The following RYR3 variants were observed in gnomAD, a reference collection of about 807,000 sequenced individuals.
The protein encoded by RYR3 is brain ryanodine receptor-calcium release channel.
A neutral mutation model predicts 584.3 loss-of-function variants in RYR3; 207 were observed. The ratio of observed to expected loss-of-function variants is 0.35; its 90% CI spans 0.32 to 0.40. The LOEUF is 0.40. Among genes scored for constraint, RYR3 ranks in the 10% least tolerant of loss-of-function variants. The pLI is 1.00. For synonymous variants in RYR3, 2,416 were observed against 2,248.5 expected (o/e 1.07, Z -2.11); for missense variants, 5,616 against 6,089.2 (o/e 0.92, Z 2.59).
At chr15:33,852,658 T>A (rs1047023654) in intron 94 of RYR3, 1 of 179,002 alleles carries the variant, frequency 5.6e-6, no homozygotes, top group African/African-American at 2.4e-5. Context: ...GTAGGTGACA[T>A]AAAGTAGTGA....
chr15:33,434,498 A>G (rs995894697), intron 1 of RYR3, among the ~76,000 whole-genome samples: 1 of 152,240 alleles, frequency 6.6e-6, no homozygotes, highest in Non-Finnish European at 1.5e-5. Context: ...GTAATATAGA[A>G]CAATATTAAC....
intron 6 of RYR3, among the ~76,000 whole-genome samples, chr15:33,540,026 G>A (rs1312026631): frequency 6.6e-6 from 1 of 152,068 alleles, no homozygotes; most frequent in African/African-American, 2.4e-5. Flanking sequence ...AACTGCACTC[G>A]AGGGATGATT....
intron 3 of RYR3, among the ~76,000 whole-genome samples, chr15:33,508,130 C>T (rs561111897): frequency 1.4e-4 from 22 of 152,112 alleles, no homozygotes; most frequent in Admixed American, 1.2e-3. Context: ...GATAAGGGCT[C>T]CGGTTTTCTC....
intron 74 of RYR3, 41 bp downstream of exon 74, chr15:33,813,620 T>C (rs1217215353): frequency 1.4e-6 from 2 of 1,471,288 alleles, no homozygotes; most frequent in Non-Finnish European, 1.9e-6. Flanking sequence ...AAGCCAGCGA[T>C]GGGAATGGAG....
At chr15:33,374,133 G>C (rs530422042) in intron 1 of RYR3, among the ~76,000 whole-genome samples, 7 of 152,168 alleles carry the variant, frequency 4.6e-5, no homozygotes, top group African/African-American at 1.7e-4. Context: ...AAAAAGATAG[G>C]CAATTAAGAG....
At chr15:33,312,610 G>A (rs549374344) in intron 1 of RYR3, among the ~76,000 whole-genome samples, 55 of 152,292 alleles carry the variant, frequency 3.6e-4, no homozygotes, top group African/African-American at 1.2e-3. Flanking sequence ...GTCTTTAGTA[G>A]TGGATGGGTG....
chr15:33,675,849 C>A (rs2064142570), intron 38 of RYR3, among the ~76,000 whole-genome samples: 1 of 152,126 alleles, frequency 6.6e-6, no homozygotes, highest in Admixed American at 6.5e-5. Context: ...TTAGCCCTTA[C>A]CAGCTTTGTG....
intron 96 of RYR3, 129 bp from the exon 97 acceptor site, chr15:33,854,260 A>G (rs1382433152): frequency 2.8e-6 from 2 of 711,806 alleles, no homozygotes; most frequent in African/African-American, 3.7e-5. Flanking sequence ...GAGCACATAC[A>G]ACTTGATAAA....
chr15:33,379,760 T>C (rs186164748), intron 1 of RYR3, among the ~76,000 whole-genome samples: 1 of 151,040 alleles, frequency 6.6e-6, no homozygotes, highest in East Asian at 1.9e-4. Context: ...AGTCCTACAA[T>C]AGGCGGTCTG....
chr15:33,346,792 C>T (rs546802164), intron 1 of RYR3, among the ~76,000 whole-genome samples: 41 of 152,004 alleles, frequency 2.7e-4, no homozygotes, highest in Admixed American at 1.3e-3. Context: ...CCTAAAAGCA[C>T]GTTAGAATCC....
chr15:33,613,151 C>T (rs2060279636), intron 18 of RYR3, 32 bp from the exon 19 acceptor site: 2 of 1,585,940 alleles, frequency 1.3e-6, no homozygotes, highest in Non-Finnish European at 1.7e-6. Context: ...CTCCAGAGTT[C>T]CACAGCCTTC....
intron 82 of RYR3, 41 bp from the exon 83 acceptor site, chr15:33,826,211 T>A: frequency 6.2e-7 from 1 of 1,602,870 alleles, no homozygotes; most frequent in East Asian, 2.2e-5. Flanking sequence ...ATGTTTACAG[T>A]TTTCTTACTT....
intron 1 of RYR3, among the ~76,000 whole-genome samples, chr15:33,467,964 C>T (rs986206354): frequency 6.6e-6 from 1 of 152,162 alleles, no homozygotes; most frequent in Non-Finnish European, 1.5e-5. Context: ...TTTTTGTCAA[C>T]ACCATCACCA....
Position 33,662,579 on chromosome 15 carries a change from C to T in RYR3, c.5049C>T (p.Ser1683=). 6.2e-7 allele frequency: 1 copy of T among 1,614,022 alleles called. No individual in the cohort carries two copies. Among genetic ancestry groups the T allele is most frequent in the Non-Finnish European group, 8.5e-7 (1 of 1,179,902 alleles). The part of the protein sequence containing the change: ...VVTGEDHQKQ[S]PEIPLESLRT... ...CTGGTGAGGATCACCAAAAGCAGAG[C>T]CCCGAGATTCCCTTGGAGAGTCTCA... The change falls in exon 35 of 104, where the codon AGC becomes AGT. Residue 1683 remains serine (S), a synonymous_variant. Coordinates refer to ENST00000634891, the MANE Select transcript of RYR3 (RefSeq NM_001036.6).
chr15:33,420,591 A>C (rs2044170597), intron 1 of RYR3, among the ~76,000 whole-genome samples: 1 of 152,184 alleles, frequency 6.6e-6, no homozygotes, highest in Admixed American at 6.5e-5. Flanking sequence ...ACAAGAAGTC[A>C]GTTTCAGCAA....
chr15:33,797,804 A>C (rs72625166), intron 67 of RYR3, among the ~76,000 whole-genome samples: 6 of 152,058 alleles, frequency 3.9e-5, no homozygotes, highest in Non-Finnish European at 8.8e-5. Context: ...TGGAAAACCT[A>C]TCAAGCTCAT....
intron 62 of RYR3, among the ~76,000 whole-genome samples, chr15:33,771,470 G>A (rs1460316124): frequency 6.6e-6 from 1 of 151,494 alleles, no homozygotes. Context: ...GGAGGCAGAG[G>A]TTGCAGTGAG....
chr15:33,345,502 T>G (rs1972343663), intron 1 of RYR3, among the ~76,000 whole-genome samples: 2 of 152,140 alleles, frequency 1.3e-5, no homozygotes, highest in Admixed American at 6.5e-5. Context: ...CTGGAAAAGC[T>G]TCTATAAATG....
chr15:33,455,210 G>A (rs1194236571), intron 1 of RYR3, among the ~76,000 whole-genome samples: 1 of 152,166 alleles, frequency 6.6e-6, no homozygotes, highest in Non-Finnish European at 1.5e-5. Context: ...GAGGGCAGAA[G>A]AAACACCTGT....
Sources: gnomAD v4.1 joint callset for allele counts (sites outside exome capture counted in the v4.1 genomes callset) on GRCh38, gnomAD v4.1.1 for gene constraint, MANE v1.5 for transcripts, NCBI Gene and HGNC (gene_info 2026-07-23, HGNC 2026-07-21) for gene names.